The following PLAGL1 variants were observed in gnomAD, a reference collection of about 807,000 sequenced individuals.
The protein encoded by PLAGL1 is PLAG1 like zinc finger 1, also known as zinc finger protein PLAGL1.
PLAGL1 carries 1 observed loss-of-function variant against 4.6 expected under a neutral mutation model. The ratio of observed to expected loss-of-function variants is 0.22; its 90% confidence interval spans 0.08 to 1.03. PLAGL1 has a LOEUF of 1.03. Ranked by LOEUF, PLAGL1 falls within the 50% of genes least tolerant of loss-of-function variation. The pLI is 0.58. For synonymous variants in PLAGL1, 240 were observed against 237.8 expected (o/e 1.01, Z -0.08); for missense variants, 464 against 570.4 (o/e 0.81, Z 1.90).
rs776659027 is a variant in PLAGL1, at chr6:143,979,579, T to C, written c.-544+5556A>G. Among the ~76,000 whole-genome samples the C allele has an allele frequency of 6.6e-6, 1 of 152,138 alleles. No homozygotes were observed. Among genetic ancestry groups the C allele is most frequent in the Admixed American group, 6.5e-5 (1 of 15,270 alleles). The stretch of plus-strand genomic sequence containing the variant: ...CTTCCAAGGGATATACCAGTTCATG[T>C]AGAGTATAAAAACTTTATAGTTATA... On this transcript the variant is annotated intron_variant, in intron 2 of 7. Coordinates refer to ENST00000674357, the MANE Select transcript of PLAGL1 (RefSeq NM_001317162.2). This position sits in a 1 kb window ranked among gnomAD's most constrained non-coding sequence, Gnocchi z 4.6.
upstream of PLAGL1, among the ~76,000 whole-genome samples, chr6:144,008,976 T>G (rs1029516649): frequency 5.3e-5 from 8 of 152,218 alleles, no homozygotes; most frequent in Non-Finnish European, 1.0e-4. This position sits in a 1 kb window ranked among gnomAD's most constrained non-coding sequence, Gnocchi z 6.9. Flanking sequence ...TACTGGAATT[T>G]AAGAAAAATA....
intron 6 of PLAGL1, among the ~76,000 whole-genome samples, chr6:143,951,773 G>A (rs764195512): frequency 2.0e-5 from 3 of 152,256 alleles, no homozygotes; most frequent in Non-Finnish European, 2.9e-5. Context: ...AAAGTCTCTC[G>A]TTTTTATGCT....
chr6:144,056,351 A>G lies in PLAGL1; in HGVS notation c.-151+8117T>C, dbSNP rs1007574015. Among the ~76,000 whole-genome samples the G allele has an allele frequency of 6.6e-6, 1 of 152,196 alleles. No homozygotes were observed. The highest frequency in any genetic ancestry group is 2.4e-5 in the African/African-American group (1 of 41,436). ...GACACACCATTATCACCCAGCGTCC[A>G]TGGTTCACATTCGGGCTCACCTTGA... is the stretch of plus-strand genomic sequence containing the variant. On this transcript the variant is annotated intron_variant, in intron 1 of 3. Transcript: ENST00000437412. The surrounding 1 kb of genome is among the most constrained non-coding windows in gnomAD (Gnocchi z 4.7).
intron 1 of PLAGL1, among the ~76,000 whole-genome samples, chr6:144,026,301 G>GA (rs1329271765): frequency 6.6e-6 from 1 of 151,932 alleles, no homozygotes; most frequent in Non-Finnish European, 1.5e-5. Context: ...TTTAGCAGAG[G>GA]AAAAAAGGTG....
At chr6:144,060,813 T>C (rs568169946) in intron 1 of PLAGL1, among the ~76,000 whole-genome samples, 18 of 152,346 alleles carry the variant, frequency 1.2e-4, no homozygotes, top group Non-Finnish European at 2.4e-4. Flanking sequence ...AGATCAGACC[T>C]ATGTGAAAGG....
chr6:144,001,205 G>A (rs1021872150), intron 1 of PLAGL1, among the ~76,000 whole-genome samples: 1 of 151,764 alleles, frequency 6.6e-6, no homozygotes, highest in Admixed American at 6.6e-5. Flanking sequence ...TTTTAATGGG[G>A]ACATTTCAAA....
At chr6:144,019,580 G>A (rs911703138) in intron 1 of PLAGL1, among the ~76,000 whole-genome samples, 2 of 152,032 alleles carry the variant, frequency 1.3e-5, no homozygotes, top group Non-Finnish European at 2.9e-5. Context: ...TGTAATAATA[G>A]TCCTGTGGTT....
In PLAGL1 at chr6:144,061,961, C is replaced by A. The variant is rs992986020; in HGVS notation, c.-151+2507G>T. On this transcript the variant is annotated intron_variant, in intron 1 of 3. Coordinates refer to the PLAGL1 transcript ENST00000437412. This position sits in a 1 kb window ranked among gnomAD's most constrained non-coding sequence, Gnocchi z 4.4. ...ATTATATTTACTATGAATGTAGGAC[C>A]CATTTTGAGCTTTTTCTTTTTTGTT... Among the ~76,000 whole-genome samples, 1 of 152,134 alleles carries A rather than the reference C, an allele frequency of 6.6e-6. No individual in the cohort carries two copies. Among genetic ancestry groups the A allele is most frequent in the Non-Finnish European group, 1.5e-5 (1 of 68,034 alleles).
chr6:143,953,373 G>A lies in PLAGL1; in HGVS notation c.-324-4913C>T, dbSNP rs1305002407. On this transcript the variant is annotated intron_variant, in intron 6 of 7. Coordinates refer to ENST00000674357, the MANE Select transcript of PLAGL1 (RefSeq NM_001317162.2). This position sits in a 1 kb window ranked among gnomAD's most constrained non-coding sequence, Gnocchi z 5.3. The stretch of plus-strand genomic sequence containing the variant: ...AAAGACTGAATTTTGTTAACCCAGT[G>A]ACTAAGCTCTTACTTTCTAAGAAAT... Among the ~76,000 whole-genome samples the A allele has an allele frequency of 2.0e-5, 3 of 152,170 alleles. No individual in the cohort carries two copies. Among genetic ancestry groups the A allele is most frequent in the Non-Finnish European group, 4.4e-5 (3 of 68,022 alleles).
In PLAGL1 at chr6:144,039,705, A is replaced by G. The variant is rs1797569792; in HGVS notation, c.-151+24763T>C. Among the ~76,000 whole-genome samples, 1 of 152,184 alleles carries G rather than the reference A, an allele frequency of 6.6e-6. No homozygotes were observed. The highest frequency in any genetic ancestry group is 1.9e-4 in the East Asian group (1 of 5,194). ...AATAGCACAACCACTTTGATCAATAATTTGTAATAGTCAGTGAATACAAAG... is the reference window on the plus strand; with the variant it reads ...AATAGCACAACCACTTTGATCAATAGTTTGTAATAGTCAGTGAATACAAAG... On this transcript the variant is annotated intron_variant, in intron 1 of 3. Coordinates refer to the PLAGL1 transcript ENST00000437412. This position sits in a 1 kb window ranked among gnomAD's most constrained non-coding sequence, Gnocchi z 4.1.
intron 1 of PLAGL1, among the ~76,000 whole-genome samples, chr6:144,047,170 C>A (rs1037013541): frequency 6.6e-6 from 1 of 152,212 alleles, no homozygotes; most frequent in African/African-American, 2.4e-5. Context: ...GGCAACACCC[C>A]ACCCTGCTTC....
rs1004491617 is a variant in PLAGL1 at position 143,978,188 on chromosome 6, A to G, written c.-544+6947T>C. Among the ~76,000 whole-genome samples, 3 of 151,868 alleles carry G rather than the reference A, an allele frequency of 2.0e-5. No individual in the cohort carries two copies. Among genetic ancestry groups the G allele is most frequent in the Admixed American group, 2.0e-4 (3 of 15,248 alleles). On this transcript the variant is annotated intron_variant, in intron 2 of 7. Coordinates refer to ENST00000674357, the MANE Select transcript of PLAGL1 (RefSeq NM_001317162.2). The surrounding 1 kb of genome is among the most constrained non-coding windows in gnomAD (Gnocchi z 4.6). ...TTTCAACTTTGTTGATTTCCGCTCT[A>G]ATTTTCAGTATTTACTTTCTTCTGC... is the stretch of plus-strand genomic sequence containing the variant.
intron 1 of PLAGL1, among the ~76,000 whole-genome samples, chr6:144,003,110 T>C (rs922259433): frequency 2.6e-5 from 4 of 152,042 alleles, no homozygotes; most frequent in Non-Finnish European, 5.9e-5. Flanking sequence ...CAGACCCAAA[T>C]ATATGACCAT....
rs894016238 is a variant in PLAGL1 at position 143,972,339 on chromosome 6, G to T, written c.-543-3361C>A. Among the ~76,000 whole-genome samples, 10 of 152,174 alleles carry T rather than the reference G, an allele frequency of 6.6e-5. No homozygotes were observed. Among genetic ancestry groups the T allele is most frequent in the Admixed American group, 6.5e-4 (10 of 15,272 alleles). ...GCCATAATAGAGGTGTACACAAAGGGCTGGGGGCCAAAGGAAGAAGCCATA... is the reference window on the plus strand; with the variant it reads ...GCCATAATAGAGGTGTACACAAAGGTCTGGGGGCCAAAGGAAGAAGCCATA... On this transcript the variant is annotated intron_variant, in intron 2 of 7. Coordinates refer to ENST00000674357, the MANE Select transcript of PLAGL1 (RefSeq NM_001317162.2). The surrounding 1 kb of genome is among the most constrained non-coding windows in gnomAD (Gnocchi z 6.8).
Position 144,034,466 on chromosome 6 carries a change from TTC to T in PLAGL1, c.-151+30000_-151+30001del, listed in dbSNP as rs1797067307. 6.6e-6 allele frequency among the ~76,000 whole-genome samples: 1 copy of T among 152,244 alleles called. No homozygotes were observed. The highest frequency in any genetic ancestry group is 1.5e-5 in the Non-Finnish European group (1 of 68,048). On this transcript the variant is annotated intron_variant, in intron 1 of 3. Coordinates refer to the PLAGL1 transcript ENST00000437412. The surrounding 1 kb of genome is among the most constrained non-coding windows in gnomAD (Gnocchi z 4.7). ...AGCCTCAAGTCCTTTTAGTGTTTGT[TTC>T]TCTTCAAGAAAATAAAACACTTATT...
Position 144,000,751 on chromosome 6 carries a change from A to G in PLAGL1, c.-584+7339T>C, listed in dbSNP as rs1171889571. On this transcript the variant is annotated intron_variant, in intron 1 of 7. Transcript: ENST00000674357. The surrounding 1 kb of genome is among the most constrained non-coding windows in gnomAD (Gnocchi z 4.1). ...CTCTATGACATATCAAAATCATTAG[A>G]GTTATCTTAGGAAGATTTGTTCAGG... is the stretch of plus-strand genomic sequence containing the variant. Among the ~76,000 whole-genome samples the G allele has an allele frequency of 6.6e-6, 1 of 152,168 alleles. No homozygotes were observed. The highest frequency in any genetic ancestry group is 2.4e-5 in the African/African-American group (1 of 41,466).
intron 1 of PLAGL1, among the ~76,000 whole-genome samples, chr6:144,014,733 C>T (rs781043091): frequency 6.6e-5 from 10 of 151,994 alleles, no homozygotes; most frequent in East Asian, 1.9e-4. Flanking sequence ...AGAGATGCCA[C>T]GGCACCCAGC....
In PLAGL1 at chr6:144,022,121, G is replaced by A. The variant is rs942409137; in HGVS notation, c.-151+42347C>T. ...CATTCCAAAGACAAACCACAGATTGGTAGAATTATTTGCAAATCACATATC... is the reference window on the plus strand; with the variant it reads ...CATTCCAAAGACAAACCACAGATTGATAGAATTATTTGCAAATCACATATC... On this transcript the variant is annotated intron_variant, in intron 1 of 3. Coordinates refer to the PLAGL1 transcript ENST00000437412. This position sits in a 1 kb window ranked among gnomAD's most constrained non-coding sequence, Gnocchi z 4.2. Among the ~76,000 whole-genome samples, 3 of 152,092 alleles carry A rather than the reference G, an allele frequency of 2.0e-5. No individual in the cohort carries two copies. The highest frequency in any genetic ancestry group is 7.2e-5 in the African/African-American group (3 of 41,390).
At chr6:143,977,987 C>G (rs1214303701) in intron 2 of PLAGL1, among the ~76,000 whole-genome samples, 1 of 152,338 alleles carries the variant, frequency 6.6e-6, no homozygotes, top group African/African-American at 2.4e-5. Context: ...ATACTATTCT[C>G]TTACTAATCC....
Sources: allele counts gnomAD v4.1 joint callset (sites outside exome capture counted in the v4.1 genomes callset), GRCh38; gene constraint gnomAD v4.1.1; non-coding constraint Gnocchi (gnomAD v3.1); transcripts MANE v1.5; gene names NCBI Gene and HGNC (gene_info 2026-07-23, HGNC 2026-07-21).